The following PCDHA7 variants were observed in gnomAD, a reference collection of about 807,000 sequenced individuals.
PCDHA7 encodes the protein protocadherin alpha 7, also known as protocadherin alpha-7.
A neutral mutation model predicts 57.2 loss-of-function variants in PCDHA7; 37 were observed. The observed-to-expected ratio is 0.65, with a 90% CI of 0.50 to 0.85. PCDHA7 has a LOEUF of 0.85. PCDHA7 is among the 40% of genes least tolerant of loss of function. PCDHA7 has a pLI of 0.00. For missense variants in PCDHA7, 1,188 were observed against 1,241.8 expected, an observed-to-expected ratio of 0.96 and a Z score of 0.65; for synonymous variants, 553 against 558.8, an observed-to-expected ratio of 0.99 and a Z score of 0.15.
At chr5:140,846,874 G>A (rs1315132744) in intron 1 of PCDHA7, among the ~76,000 whole-genome samples, 2 of 149,594 alleles carry the variant, frequency 1.3e-5, no homozygotes, top group Admixed American at 6.7e-5. Flanking sequence ...AGGTACAAGA[G>A]GTAAATCAGA....
intron 3 of PCDHA7, among the ~76,000 whole-genome samples, chr5:140,989,670 C>T (rs907417768): frequency 6.6e-6 from 1 of 152,104 alleles, no homozygotes; most frequent in African/African-American, 2.4e-5. Flanking sequence ...GAAACTCTGC[C>T]CAGATTTCAA....
chr5:140,839,514 C>T (rs2150298432), intron 1 of PCDHA7, among the ~76,000 whole-genome samples: 3 of 152,082 alleles, frequency 2.0e-5, no homozygotes, highest in African/African-American at 7.2e-5. Context: ...CTCAGCCTCT[C>T]AAGTTGCTGG....
rs374520361 is a variant in PCDHA7, at chr5:140,870,742, A to C, written c.2355+34004A>C. 10 of 1,613,406 alleles carry C rather than the reference A, an allele frequency of 6.2e-6. No homozygotes were observed. In the African/African-American group the frequency reaches 1.1e-4, roughly 17 times the overall value. On this transcript the variant is annotated intron_variant, in intron 1 of 3. Transcript: ENST00000525929. ...TGCGGGCGTGCCGCCTCTGAGCAGC[A>C]ACGTGACGCTGCAGGTGTTCGTGCT...
chr5:140,870,876 G>A, intron 1 of PCDHA7: 1 of 1,613,958 alleles, frequency 6.2e-7, no homozygotes, highest in Non-Finnish European at 8.5e-7. Context: ...ACGTGGTGGC[G>A]AAGGTGCGCG....
intron 3 of PCDHA7, among the ~76,000 whole-genome samples, chr5:141,005,884 T>G (rs1554260408): frequency 6.6e-6 from 1 of 151,862 alleles, no homozygotes; most frequent in Non-Finnish European, 1.5e-5. Flanking sequence ...GAGTTTGAGG[T>G]TACATCAAGC....
chr5:140,867,664 C>T (rs2050091732), intron 1 of PCDHA7: 1 of 152,076 alleles, frequency 6.6e-6, no homozygotes, highest in African/African-American at 2.4e-5. Flanking sequence ...TCACTTTCTA[C>T]TCTAAAATTT....
At chr5:140,975,765 CAG>C (rs1179625862) in intron 1 of PCDHA7, among the ~76,000 whole-genome samples, 1 of 152,220 alleles carries the variant, frequency 6.6e-6, no homozygotes, top group Non-Finnish European at 1.5e-5. Flanking sequence ...TCATAAATCA[CAG>C]ATAATACCAT....
At chr5:140,940,398 T>C (rs936966571) in intron 1 of PCDHA7, among the ~76,000 whole-genome samples, 10 of 152,340 alleles carry the variant, frequency 6.6e-5, no homozygotes, top group African/African-American at 2.4e-4. Context: ...TATTGTGTTT[T>C]TCATTTTAAA....
chr5:140,870,382 C>T, intron 1 of PCDHA7: 1 of 1,614,178 alleles, frequency 6.2e-7, no homozygotes, highest in Non-Finnish European at 8.5e-7. Context: ...GGTGACTGCG[C>T]GGGATGGGGG....
chr5:141,010,378 A>C lies in PCDHA7; in HGVS notation c.*441A>C. ...GCTACCGCGGGTATGCGAGTGCCAG[A>C]TATTGGCTGAGACGAGCCAGCTTAG... is the stretch of plus-strand genomic sequence containing the variant. On this transcript the variant is annotated 3_prime_UTR_variant, in exon 4 of 4. Coordinates refer to ENST00000525929, the MANE Select transcript of PCDHA7 (RefSeq NM_018910.3). 6.9e-7 allele frequency: 1 copy of C among 1,450,180 alleles called. No individual in the cohort carries two copies. Among genetic ancestry groups the C allele is most frequent in the Non-Finnish European group, 9.2e-7 (1 of 1,092,666 alleles). 89.8% of individuals were successfully genotyped at this position (1,450,180 alleles called of 1,614,324 possible).
At chr5:140,930,416 T>C (rs1554207810) in intron 1 of PCDHA7, 1 of 151,928 alleles carries the variant, frequency 6.6e-6, no homozygotes, top group East Asian at 1.9e-4. Flanking sequence ...GAGACAGGGG[T>C]CTCACTATGT....
chr5:140,880,327 T>C (rs2058305796), intron 1 of PCDHA7, among the ~76,000 whole-genome samples: 1 of 152,118 alleles, frequency 6.6e-6, no homozygotes, highest in African/African-American at 2.4e-5. Context: ...AATAAGATAC[T>C]AAAAATAAGA....
intron 3 of PCDHA7, among the ~76,000 whole-genome samples, chr5:140,992,388 G>A (rs2097508351): frequency 6.6e-6 from 1 of 152,120 alleles, no homozygotes; most frequent in Non-Finnish European, 1.5e-5. Context: ...TTGTGTTCTG[G>A]ACTTAGAGAT....
At chr5:140,927,470 G>T in intron 1 of PCDHA7, 3 of 1,614,054 alleles carry the variant, frequency 1.9e-6, no homozygotes, top group South Asian at 2.2e-5. Flanking sequence ...GCACTGGATC[G>T]CGAACAGCGC....
chr5:140,933,050 C>T (rs2088825990), intron 1 of PCDHA7, among the ~76,000 whole-genome samples: 1 of 152,018 alleles, frequency 6.6e-6, no homozygotes, highest in Admixed American at 6.5e-5. Context: ...GGATTACAGT[C>T]CAGGATCCTG....
chr5:140,981,779 A>G (rs1231046614), intron 2 of PCDHA7, among the ~76,000 whole-genome samples: 2 of 151,974 alleles, frequency 1.3e-5, no homozygotes, highest in Non-Finnish European at 2.9e-5. Flanking sequence ...ATACTGCACC[A>G]TGTTCTCTTT....
At chr5:140,974,108 C>A (rs977903039) in intron 1 of PCDHA7, among the ~76,000 whole-genome samples, 3 of 152,182 alleles carry the variant, frequency 2.0e-5, no homozygotes, top group African/African-American at 7.2e-5. Flanking sequence ...TAAAAGTATT[C>A]TTTTGCAGTG....
chr5:140,853,467 G>T lies in PCDHA7; in HGVS notation c.2355+16729G>T, dbSNP rs2150532339. 46 of 971,640 alleles carry T rather than the reference G, an allele frequency of 4.7e-5. No homozygotes were observed. The African/African-American group carries it at 8.1e-4, about 17-fold the overall frequency. 60.2% of individuals were successfully genotyped at this position (971,640 alleles called of 1,614,324 possible). ...CTAATAGGTCTCCTTATATGCATCT[G>T]TAGTTAACATTCCTCAATTCAAGTT... On this transcript the variant is annotated intron_variant, in intron 1 of 3. Transcript: ENST00000525929.
At position 140,853,506 on chromosome 5, in the gene PCDHA7, A is replaced by G. The variant is rs1198826408; in HGVS notation, c.2355+16768A>G. On this transcript the variant is annotated intron_variant, in intron 1 of 3. Transcript: ENST00000525929. ...TCAATTCAAGTTAGAATCATGAAAC[A>G]ATAATGAAGCTCCTCCTATGTCTCT... The G allele has an allele frequency of 4.1e-6, 4 of 977,436 alleles. 1 individual carries two copies. The African/African-American group carries it at 7.1e-5, about 17-fold the overall frequency. The allele number at this position is 977,436 out of a possible 1,614,324, so 60.5% of individuals were successfully genotyped here. A position where few individuals can be genotyped will look rare whatever the true frequency, so the allele number is the denominator to read the frequency against.
Sources: allele counts gnomAD v4.1 joint callset (sites outside exome capture counted in the v4.1 genomes callset), GRCh38; gene constraint gnomAD v4.1.1; transcripts MANE v1.5; gene names NCBI Gene and HGNC (gene_info 2026-07-23, HGNC 2026-07-21).